FUT9: variants seen among roughly 807,000 people sequenced by gnomAD.
FUT9 encodes the protein fucosyltransferase 9, also known as 4-galactosyl-N-acetylglucosaminide 3-alpha-L-fucosyltransferase 9.
Under a neutral mutation model 29.7 loss-of-function variants are expected in FUT9, and 15 were observed. The observed-to-expected ratio is 0.51, with a 90% CI of 0.34 to 0.78. The LOEUF is 0.78. Ranked by LOEUF, FUT9 falls within the 30% of genes least tolerant of loss-of-function variation. FUT9 has a pLI of 0.01. For missense variants in FUT9, 319 were observed against 425.4 expected (o/e 0.75, Z 2.20); for synonymous variants, 169 against 153.7 (o/e 1.10, Z -0.74).
intron 2 of FUT9, among the ~76,000 whole-genome samples, chr6:96,173,729 G>A (rs1200852203): frequency 6.6e-6 from 1 of 150,978 alleles, no homozygotes; most frequent in East Asian, 2.0e-4. Flanking sequence ...TGCTAAATAT[G>A]ATAATTCAAA....
At chr6:96,175,432 G>A (rs1773186443) in intron 2 of FUT9, among the ~76,000 whole-genome samples, 1 of 152,026 alleles carries the variant, frequency 6.6e-6, no homozygotes, top group Admixed American at 6.6e-5. Flanking sequence ...AAGCTATATG[G>A]TCACTTTGAA....
At chr6:96,106,698 A>T (rs1321720393) in intron 1 of FUT9, among the ~76,000 whole-genome samples, 1 of 152,216 alleles carries the variant, frequency 6.6e-6, no homozygotes, top group Non-Finnish European at 1.5e-5. Flanking sequence ...TCTATCCATC[A>T]GAAGCTCCCA....
chr6:96,081,029 A>C (rs9404200), intron 1 of FUT9, among the ~76,000 whole-genome samples: 3,396 of 152,020 alleles, frequency 0.022, 64 homozygotes, highest in East Asian at 0.079. Flanking sequence ...AATAACACCA[A>C]AAATTGTTTG....
At chr6:96,062,933 G>A (rs1770901974) in intron 1 of FUT9, among the ~76,000 whole-genome samples, 1 of 152,148 alleles carries the variant, frequency 6.6e-6, no homozygotes, top group African/African-American at 2.4e-5. Flanking sequence ...AAAGTAGCTG[G>A]CCTATAATCC....
At chr6:96,140,023 A>G (rs1340925267) in intron 2 of FUT9, among the ~76,000 whole-genome samples, 1 of 152,046 alleles carries the variant, frequency 6.6e-6, no homozygotes, top group African/African-American at 2.4e-5. Context: ...CAGGCTGCAA[A>G]TTTTTCAAAC....
At chr6:96,128,549 G>A (rs2127967958) in intron 2 of FUT9, among the ~76,000 whole-genome samples, 1 of 152,134 alleles carries the variant, frequency 6.6e-6, no homozygotes, top group South Asian at 2.1e-4. Flanking sequence ...TAACATACTG[G>A]TATGTTCATA....
intron 1 of FUT9, among the ~76,000 whole-genome samples, chr6:96,058,614 C>T (rs1014161158): frequency 1.3e-5 from 2 of 151,718 alleles, no homozygotes; most frequent in South Asian, 2.1e-4. Flanking sequence ...AAAATACAAA[C>T]GAATGTTTGA....
intron 1 of FUT9, among the ~76,000 whole-genome samples, chr6:96,031,593 T>C (rs1424138231): frequency 1.3e-5 from 2 of 151,466 alleles, no homozygotes; most frequent in African/African-American, 4.8e-5. Context: ...ACTTAACAAA[T>C]AGTGTATCCT....
intron 1 of FUT9, among the ~76,000 whole-genome samples, chr6:96,078,184 G>A (rs533296936): frequency 2.6e-5 from 4 of 151,502 alleles, no homozygotes; most frequent in Admixed American, 1.3e-4. Flanking sequence ...TCTACATTCC[G>A]GGAGATTTCC....
Position 96,214,761 on chromosome 6 carries a change from T to C in FUT9, c.*10526T>C, listed in dbSNP as rs1363581434. The C allele has an allele frequency of 6.0e-6, 1 of 166,988 alleles. No homozygotes were observed. The highest frequency in any genetic ancestry group is 2.4e-5 in the African/African-American group (1 of 41,446). 10.3% of individuals were successfully genotyped at this position (166,988 alleles called of 1,614,324 possible). A position where few individuals can be genotyped will look rare whatever the true frequency, so the allele number is the denominator to read the frequency against. On this transcript the variant is annotated 3_prime_UTR_variant, in exon 3 of 3. Coordinates refer to ENST00000302103, the MANE Select transcript of FUT9 (RefSeq NM_006581.4). Reference sequence around the variant, plus strand: ...GACTTAAAACATGACAGTAAGCATTTACACTGTTGGAAGGTAATTTCATTG... The same window carrying C: ...GACTTAAAACATGACAGTAAGCATTCACACTGTTGGAAGGTAATTTCATTG...
At chr6:96,054,335 T>C (rs951172991) in intron 1 of FUT9, among the ~76,000 whole-genome samples, 2 of 152,218 alleles carry the variant, frequency 1.3e-5, no homozygotes, top group Non-Finnish European at 2.9e-5. Context: ...TACTGTAGTA[T>C]TGGGCACTTT....
intron 2 of FUT9, among the ~76,000 whole-genome samples, chr6:96,116,362 G>A (rs912646071): frequency 1.3e-5 from 2 of 152,012 alleles, no homozygotes; most frequent in Non-Finnish European, 2.9e-5. Context: ...CAGTCACTTT[G>A]GAATGTACAA....
chr6:96,110,319 G>A (rs1326632938), intron 1 of FUT9, among the ~76,000 whole-genome samples: 6 of 152,112 alleles, frequency 3.9e-5, no homozygotes, highest in Non-Finnish European at 8.8e-5. Flanking sequence ...GCTCATAGAA[G>A]GCCCATTTAT....
chr6:96,192,126 C>T (rs1041866220), intron 2 of FUT9, among the ~76,000 whole-genome samples: 7 of 152,052 alleles, frequency 4.6e-5, no homozygotes, highest in African/African-American at 1.7e-4. Context: ...GGAAGCATTC[C>T]CTTTGAAAAC....
intron 2 of FUT9, among the ~76,000 whole-genome samples, chr6:96,202,147 T>A (rs1773736637): frequency 6.6e-6 from 1 of 152,030 alleles, no homozygotes; most frequent in Admixed American, 6.6e-5. Context: ...TTTGCAAATA[T>A]ATTTTTGTGT....
chr6:96,068,350 T>C (rs565376409), intron 1 of FUT9, among the ~76,000 whole-genome samples: 2 of 152,324 alleles, frequency 1.3e-5, no homozygotes, highest in East Asian at 1.9e-4. Context: ...GTCCTCGTAG[T>C]AGTCTGAAGA....
At chr6:96,133,847 ATATAT>A (rs1256343965) in intron 2 of FUT9, among the ~76,000 whole-genome samples, 2 of 151,900 alleles carry the variant, frequency 1.3e-5, no homozygotes, top group Admixed American at 6.6e-5. Flanking sequence ...ATCTTCAAAG[ATATAT>A]TATTTATTTG....
intron 2 of FUT9, among the ~76,000 whole-genome samples, chr6:96,198,881 T>C (rs1397996390): frequency 1.3e-5 from 2 of 152,158 alleles, no homozygotes; most frequent in Admixed American, 1.3e-4. Context: ...ATGGTGAGCA[T>C]TTTTTCATGT....
chr6:96,120,297 G>T (rs1771999665), intron 2 of FUT9, among the ~76,000 whole-genome samples: 1 of 117,596 alleles, frequency 8.5e-6, no homozygotes. Context: ...TTGAGATGGA[G>T]TCTCTCTGTG....
Sources: gnomAD v4.1 joint callset for allele counts (sites outside exome capture counted in the v4.1 genomes callset) on GRCh38, gnomAD v4.1.1 for gene constraint, MANE v1.5 for transcripts, NCBI Gene and HGNC (gene_info 2026-07-23, HGNC 2026-07-21) for gene names.